Variants in ESRRG observed in about 807,000 individuals in gnomAD.
ESRRG encodes estrogen-related receptor gamma.
ESRRG carries 13 observed loss-of-function variants against 44.0 expected under a neutral mutation model. The observed-to-expected ratio is 0.30, with a 90% CI of 0.19 to 0.47. The LOEUF is 0.47. ESRRG is among the 20% of genes least tolerant of loss of function. The probability of loss-of-function intolerance (pLI) is 1.00; values close to 1 mark genes in which losing one functional copy is unlikely to be tolerated. For missense variants in ESRRG, 395 were observed against 580.6 expected (o/e 0.68, Z 3.29); for synonymous variants, 215 against 214.6 (o/e 1.00, Z -0.02).
At chr1:216,580,326 T>A (rs1336446900) in intron 3 of ESRRG, among the ~76,000 whole-genome samples, 2 of 152,140 alleles carry the variant, frequency 1.3e-5, no homozygotes, top group Non-Finnish European at 2.9e-5. Context: ...GTTTTCTTAA[T>A]GCACCAGTGT....
At chr1:216,623,183 C>T (rs562294658) in intron 3 of ESRRG, among the ~76,000 whole-genome samples, 101 of 145,338 alleles carry the variant, frequency 6.9e-4, no homozygotes, top group African/African-American at 2.4e-3. Context: ...CCTGGGTTCA[C>T]GCCATTCTCC....
At chr1:217,028,416 T>C (rs150539215) in intron 1 of ESRRG, among the ~76,000 whole-genome samples, 3,542 of 152,216 alleles carry the variant, frequency 0.023, 50 homozygotes, top group Non-Finnish European at 0.037. Flanking sequence ...AATACAGAAG[T>C]CCAATACTGC....
chr1:216,886,043 A>T (rs1483712787), intron 2 of ESRRG, among the ~76,000 whole-genome samples: 3 of 151,884 alleles, frequency 2.0e-5, no homozygotes, highest in Non-Finnish European at 2.9e-5. Flanking sequence ...GTTTCTGAAG[A>T]TACTTTCCTT....
intron 1 of ESRRG, among the ~76,000 whole-genome samples, chr1:217,051,264 G>C (rs1206594562): frequency 6.7e-6 from 1 of 149,064 alleles, no homozygotes; most frequent in Non-Finnish European, 1.5e-5. Flanking sequence ...GAACCTAAGA[G>C]GGTTTCCCTT....
intron 5 of ESRRG, among the ~76,000 whole-genome samples, chr1:216,527,700 A>G (rs2048089831): frequency 6.6e-6 from 1 of 152,130 alleles, no homozygotes; most frequent in Admixed American, 6.5e-5. Flanking sequence ...TTTCTCTTTT[A>G]TACATGTGAA....
intron 1 of ESRRG, among the ~76,000 whole-genome samples, chr1:216,983,017 C>T (rs1247455766): frequency 2.2e-5 from 3 of 138,040 alleles, no homozygotes; most frequent in Admixed American, 7.7e-5. Context: ...TGACTAGTTA[C>T]GTGACTTTGA....
At chr1:216,774,929 G>A (rs140204020) in intron 2 of ESRRG, among the ~76,000 whole-genome samples, 73 of 150,842 alleles carry the variant, frequency 4.8e-4, no homozygotes, top group African/African-American at 1.8e-3. Flanking sequence ...AGCCTCTTGA[G>A]TAGCTGGGAC....
chr1:216,693,449 G>A (rs1285307369), intron 1 of ESRRG, among the ~76,000 whole-genome samples: 1 of 152,112 alleles, frequency 6.6e-6, no homozygotes, highest in Non-Finnish European at 1.5e-5. Flanking sequence ...CCTTTTTAAT[G>A]TGCAGTTGTC....
chr1:216,727,519 C>G (rs2087788351), upstream of ESRRG, among the ~76,000 whole-genome samples: 1 of 151,986 alleles, frequency 6.6e-6, no homozygotes, highest in Admixed American at 6.6e-5. Flanking sequence ...TGCTATAAAC[C>G]TGCTTAAGAA....
intron 1 of ESRRG, among the ~76,000 whole-genome samples, chr1:217,035,653 ATAAAG>A (rs957185287): frequency 9.3e-5 from 14 of 151,266 alleles, no homozygotes; most frequent in African/African-American, 3.4e-4. Context: ...AAAAACTTTA[ATAAAG>A]TAAAAACTCT....
intron 1 of ESRRG, among the ~76,000 whole-genome samples, chr1:216,974,035 G>A (rs753218547): frequency 2.6e-5 from 4 of 151,926 alleles, no homozygotes; most frequent in African/African-American, 4.8e-5. Flanking sequence ...CACAAACCCC[G>A]GTGTAACTTT....
chr1:216,802,869 G>C (rs1049368487), intron 2 of ESRRG, among the ~76,000 whole-genome samples: 1 of 152,116 alleles, frequency 6.6e-6, no homozygotes, highest in Non-Finnish European at 1.5e-5. Flanking sequence ...CCAAAGTTAA[G>C]AGAGGAAAAG....
chr1:217,031,192 G>A (rs1159599016), intron 1 of ESRRG, among the ~76,000 whole-genome samples: 1 of 152,214 alleles, frequency 6.6e-6, no homozygotes, highest in Non-Finnish European at 1.5e-5. Flanking sequence ...AGTGAAGTCT[G>A]AAATATTTAC....
At chr1:216,528,636 T>C (rs2048386127) in intron 5 of ESRRG, among the ~76,000 whole-genome samples, 1 of 152,140 alleles carries the variant, frequency 6.6e-6, no homozygotes, top group Non-Finnish European at 1.5e-5. Flanking sequence ...TATGTCTACT[T>C]TTTTAACGTA....
At chr1:216,668,864 TA>T (rs1202805697) in intron 2 of ESRRG, among the ~76,000 whole-genome samples, 1 of 152,080 alleles carries the variant, frequency 6.6e-6, no homozygotes, top group South Asian at 2.1e-4. Flanking sequence ...AATAATAGAC[TA>T]AAAAAAGTCA....
intron 2 of ESRRG, among the ~76,000 whole-genome samples, chr1:216,877,397 GT>G (rs2096374089): frequency 6.8e-6 from 1 of 146,216 alleles, no homozygotes; most frequent in Admixed American, 6.9e-5. Flanking sequence ...TTGTTTGTTT[GT>G]TTGTTTGTTT....
At chr1:216,809,902 T>A (rs2094915936) in intron 2 of ESRRG, among the ~76,000 whole-genome samples, 1 of 152,144 alleles carries the variant, frequency 6.6e-6, no homozygotes, top group Admixed American at 6.6e-5. Flanking sequence ...GAGCTAAACA[T>A]CTCTTTATGT....
intron 1 of ESRRG, among the ~76,000 whole-genome samples, chr1:216,997,596 T>C (rs2150593038): frequency 6.6e-6 from 1 of 152,362 alleles, no homozygotes; most frequent in East Asian, 1.9e-4. Flanking sequence ...AAAGTCTCTT[T>C]ACTATTTTAC....
chr1:216,855,599 T>C (rs1245323814), intron 2 of ESRRG, among the ~76,000 whole-genome samples: 2 of 152,190 alleles, frequency 1.3e-5, no homozygotes, highest in East Asian at 3.9e-4. Context: ...GCAACGAGAC[T>C]GCCAAGGTCC....
Sources: allele counts gnomAD v4.1 joint callset (sites outside exome capture counted in the v4.1 genomes callset), GRCh38; gene constraint gnomAD v4.1.1; transcripts MANE v1.5; gene names NCBI Gene and HGNC (gene_info 2026-07-23, HGNC 2026-07-21).